UTRN: variants seen among roughly 807,000 people sequenced by gnomAD.
The protein encoded by UTRN is dystrophin-related protein 1.
A neutral mutation model predicts 463.9 loss-of-function variants in UTRN; 283 were observed. That is an observed-to-expected ratio of 0.61 (90% CI 0.55 to 0.67). The LOEUF (loss-of-function observed/expected upper bound fraction) is 0.67. Ranked by LOEUF, UTRN falls within the 30% of genes least tolerant of loss-of-function variation. The pLI, the probability that UTRN is intolerant of heterozygous loss-of-function variation, is 0.00. For synonymous variants in UTRN, 1,442 were observed against 1,431.5 expected (o/e 1.01, Z -0.17); for missense variants, 3,922 against 4,084.3 (o/e 0.96, Z 1.08).
At position 144,562,365 on chromosome 6, in the gene UTRN, C is replaced by G. The variant is rs534620224; in HGVS notation, c.7289+5054C>G. Among the ~76,000 whole-genome samples, 25 of 152,184 alleles carry G rather than the reference C, an allele frequency of 1.6e-4. No homozygotes were observed. In the East Asian group the frequency reaches 1.7e-3, roughly 11 times the overall value. On this transcript the variant is annotated intron_variant, in intron 50 of 74. Coordinates refer to ENST00000367545, the MANE Select transcript of UTRN (RefSeq NM_007124.3). ...CCTGATGCTCTCCCTTCTCCTGCCC[C>G]CTTCCTACAGGCCCCAGTGTGTTGT...
intron 23 of UTRN, among the ~76,000 whole-genome samples, chr6:144,470,151 T>TTCC (rs1790380232): frequency 6.6e-6 from 1 of 152,194 alleles, no homozygotes; most frequent in Non-Finnish European, 1.5e-5. Context: ...TTCCCCACAC[T>TTCC]TCCCCCCCTT....
chr6:144,448,753 A>G lies in UTRN; in HGVS notation c.2056A>G (p.Ile686Val). Residue 686 changes from isoleucine to valine, a missense_variant, in exon 17 of 75, where the codon ATT (isoleucine) becomes GTT (valine). Physicochemically the swap from Ile to Val is conservative, Grantham distance 29 (BLOSUM62 3). This residue lies in a region of UTRN where 2,349 missense variants were observed against 2,303.8 expected (regional missense o/e 1.02). Transcript: ENST00000367545. ...AAAGAAGAGACAGATCCATGTGGAT[A>G]TTGAAGCTAAGAAAAAGTGAGAAGA... The part of the protein sequence containing the change: ...PPKKRQIHVD[I>V]EAKKKFDAIS... 6.2e-7 allele frequency: 1 copy of G among 1,613,412 alleles called. No homozygotes were observed. The highest frequency in any genetic ancestry group is 8.5e-7 in the Non-Finnish European group (1 of 1,179,796).
At chr6:144,730,548 T>A (rs1788412217) in intron 54 of UTRN, 62 bp downstream of exon 54, 1 of 1,455,818 alleles carries the variant, frequency 6.9e-7, no homozygotes, top group Admixed American at 2.5e-5. Context: ...AAACCCAAAA[T>A]CAAGTAGGAA....
intron 2 of UTRN, among the ~76,000 whole-genome samples, chr6:144,293,235 T>C (rs1204348883): frequency 6.6e-6 from 1 of 152,154 alleles, no homozygotes; most frequent in Non-Finnish European, 1.5e-5. Context: ...AATGTCTCCA[T>C]ACTAGTCATT....
At chr6:144,753,944 T>G (rs979335273) in intron 56 of UTRN, among the ~76,000 whole-genome samples, 1 of 152,068 alleles carries the variant, frequency 6.6e-6, no homozygotes, top group South Asian at 2.1e-4. Flanking sequence ...CTGTACAAAC[T>G]GAAATATATA....
At chr6:144,426,166 C>T in intron 6 of UTRN, 121 bp from the exon 7 acceptor site, 1 of 1,216,096 alleles carries the variant, frequency 8.2e-7, no homozygotes, top group Non-Finnish European at 1.1e-6. Flanking sequence ...AAATGAATGC[C>T]AGTTACCTGA....
At chr6:144,337,194 CCACA>C (rs772582196) in intron 2 of UTRN, among the ~76,000 whole-genome samples, 2,436 of 126,732 alleles carry the variant, frequency 0.019, 27 homozygotes, top group African/African-American at 0.022. Context: ...CACACACACA[CCACA>C]CACACACACA....
rs368442902 is a variant in UTRN, at chr6:144,654,888, G to A, written c.7480-23518G>A. Among the ~76,000 whole-genome samples the A allele has an allele frequency of 1.7e-3, 264 of 152,274 alleles. 2 individuals carry two copies. Among genetic ancestry groups the A allele is most frequent in the African/African-American group, 6.0e-3 (251 of 41,564 alleles). The stretch of plus-strand genomic sequence containing the variant: ...GGCTAATTCAGAAGCAAATCAGCTG[G>A]TATTTCTCTTCCTGAACCCCTACCC... On this transcript the variant is annotated intron_variant, in intron 51 of 74. Coordinates refer to ENST00000367545, the MANE Select transcript of UTRN (RefSeq NM_007124.3).
At chr6:144,442,309 A>G (rs1001705171) in intron 13 of UTRN, among the ~76,000 whole-genome samples, 1 of 152,074 alleles carries the variant, frequency 6.6e-6, no homozygotes, top group Non-Finnish European at 1.5e-5. Context: ...TTTCTTCCAC[A>G]GGTACCCTAA....
At chr6:144,777,651 A>G (rs747183111) in intron 60 of UTRN, among the ~76,000 whole-genome samples, 2 of 152,164 alleles carry the variant, frequency 1.3e-5, no homozygotes, top group Non-Finnish European at 2.9e-5. Context: ...ACTTTATGTG[A>G]TAGGTAATAG....
intron 51 of UTRN, among the ~76,000 whole-genome samples, chr6:144,634,657 C>T (rs1024139444): frequency 1.3e-5 from 2 of 152,194 alleles, no homozygotes; most frequent in Admixed American, 6.5e-5. Flanking sequence ...ACAACCATCA[C>T]CACCCTGTAG....
At chr6:144,601,234 A>T (rs1411394342) in intron 51 of UTRN, among the ~76,000 whole-genome samples, 4 of 152,218 alleles carry the variant, frequency 2.6e-5, no homozygotes, top group African/African-American at 9.6e-5. Flanking sequence ...TTATTATTTA[A>T]GAAATGTTTC....
chr6:144,833,426 C>G (rs1169091485), intron 69 of UTRN, among the ~76,000 whole-genome samples: 1 of 152,128 alleles, frequency 6.6e-6, no homozygotes, highest in South Asian at 2.1e-4. Context: ...TGGCAGATTG[C>G]TTGTGATACT....
At position 144,291,732 on chromosome 6, in the gene UTRN, T is replaced by G; in HGVS notation, c.-92-5T>G. The G allele has an allele frequency of 1.1e-6, 1 of 942,028 alleles. No homozygotes were observed. The highest frequency in any genetic ancestry group is 1.6e-6 in the Non-Finnish European group (1 of 639,438). The allele number at this position is 942,028 out of a possible 1,614,324, so 58.4% of individuals were successfully genotyped here. A position where few individuals can be genotyped will look rare whatever the true frequency, so the allele number is the denominator to read the frequency against. ...TCAAGTCAGTACTTTCCCTTTTCCTTTTAGGTATTGATGTCAAGCTGAACC... is the reference window on the plus strand; with the variant it reads ...TCAAGTCAGTACTTTCCCTTTTCCTGTTAGGTATTGATGTCAAGCTGAACC... On this transcript the variant is annotated splice_polypyrimidine_tract_variant and splice_region_variant and intron_variant, in intron 1 of 74. Transcript: ENST00000367545.
intron 2 of UTRN, among the ~76,000 whole-genome samples, chr6:144,327,462 T>C (rs1391603543): frequency 6.6e-6 from 1 of 152,196 alleles, no homozygotes; most frequent in Non-Finnish European, 1.5e-5. Flanking sequence ...TGAGCCTGTT[T>C]TCTGCTGAGG....
At chr6:144,743,967 A>G (rs1790387902) in intron 54 of UTRN, among the ~76,000 whole-genome samples, 1 of 150,180 alleles carries the variant, frequency 6.7e-6, no homozygotes, top group Admixed American at 6.6e-5. Context: ...CATGATACAT[A>G]AATATATAAT....
chr6:144,766,217 T>C (rs1173326168), intron 58 of UTRN, among the ~76,000 whole-genome samples: 2 of 152,072 alleles, frequency 1.3e-5, no homozygotes, highest in African/African-American at 4.8e-5. Context: ...ATTCTAGTCT[T>C]GGGTGAAACA....
chr6:144,520,590 C>G (rs1164401841), intron 39 of UTRN, among the ~76,000 whole-genome samples: 1 of 152,134 alleles, frequency 6.6e-6, no homozygotes, highest in African/African-American at 2.4e-5. Flanking sequence ...CCAGAACTAC[C>G]CTCAAATGAT....
intron 52 of UTRN, among the ~76,000 whole-genome samples, chr6:144,679,421 C>G (rs980566408): frequency 6.6e-6 from 1 of 152,094 alleles, no homozygotes; most frequent in Admixed American, 6.6e-5. Context: ...CCTGGATCAG[C>G]TTTTGTTTTG....
Sources: gnomAD v4.1 joint callset for allele counts (sites outside exome capture counted in the v4.1 genomes callset) on GRCh38, gnomAD v4.1.1 for gene constraint, gnomAD v4.1.1 regional missense constraint, MANE v1.5 for transcripts, NCBI Gene and HGNC (gene_info 2026-07-23, HGNC 2026-07-21) for gene names.